The following RNF180 variants were observed in gnomAD, a reference collection of about 807,000 sequenced individuals.
The protein encoded by RNF180 is E3 ubiquitin-protein ligase RNF180.
RNF180 carries 38 observed loss-of-function variants against 59.2 expected under a neutral mutation model. That is an observed-to-expected ratio of 0.64 (90% CI 0.50 to 0.84). RNF180 has a LOEUF of 0.84. Among genes scored for constraint, RNF180 ranks in the 40% least tolerant of loss-of-function variants. The pLI, the probability that RNF180 is intolerant of heterozygous loss-of-function variation, is 0.00. For synonymous variants in RNF180, 262 were observed against 240.3 expected (o/e 1.09, Z -0.84); for missense variants, 705 against 700.9 (o/e 1.01, Z -0.07).
intron 5 of RNF180, among the ~76,000 whole-genome samples, chr5:64,316,930 T>G (rs1711655871): frequency 6.6e-6 from 1 of 152,146 alleles, no homozygotes; most frequent in Admixed American, 6.5e-5. Flanking sequence ...CCACACATAC[T>G]CAATTCCTAC....
chr5:64,189,625 C>T (rs1751038486), intron 1 of RNF180, among the ~76,000 whole-genome samples: 3 of 152,146 alleles, frequency 2.0e-5, no homozygotes, highest in African/African-American at 7.2e-5. Flanking sequence ...TTACCGCTTA[C>T]AGTCAACTCA....
intron 5 of RNF180, among the ~76,000 whole-genome samples, chr5:64,239,955 A>G (rs1014134569): frequency 6.6e-6 from 1 of 152,174 alleles, no homozygotes; most frequent in Non-Finnish European, 1.5e-5. Context: ...CTGCTCACCT[A>G]TATACAGGTA....
At chr5:64,217,238 C>A in intron 4 of RNF180, 123 bp from the exon 5 acceptor site, 1 of 1,137,380 alleles carries the variant, frequency 8.8e-7, no homozygotes, top group Non-Finnish European at 1.1e-6. Flanking sequence ...GAATGATCCA[C>A]AGTTTATCCA....
intron 7 of RNF180, among the ~76,000 whole-genome samples, chr5:64,342,726 T>C (rs1745402641): frequency 1.3e-5 from 2 of 152,062 alleles, no homozygotes; most frequent in Admixed American, 1.3e-4. Flanking sequence ...AGGGACCTTA[T>C]AAACTGTTAA....
At chr5:64,257,510 G>A (rs556703258) in intron 5 of RNF180, among the ~76,000 whole-genome samples, 11 of 152,220 alleles carry the variant, frequency 7.2e-5, no homozygotes, top group African/African-American at 2.6e-4. Context: ...TACATTTATT[G>A]ATTTGCGTAT....
At chr5:64,173,698 C>G (rs544709147) in intron 1 of RNF180, among the ~76,000 whole-genome samples, 70 of 151,556 alleles carry the variant, frequency 4.6e-4, no homozygotes, top group African/African-American at 1.6e-3. Flanking sequence ...TGTTTTCCTC[C>G]CTACTTCTAT....
At chr5:64,228,339 C>A (rs1325712531) in intron 5 of RNF180, among the ~76,000 whole-genome samples, 1 of 151,964 alleles carries the variant, frequency 6.6e-6, no homozygotes, top group African/African-American at 2.4e-5. Flanking sequence ...CATAGTGAGA[C>A]CCCCATCTCT....
chr5:64,202,033 G>T (rs1176049125), intron 2 of RNF180, among the ~76,000 whole-genome samples: 1 of 152,200 alleles, frequency 6.6e-6, no homozygotes, highest in Non-Finnish European at 1.5e-5. Flanking sequence ...TATGCTAAGA[G>T]TATTTTGGTG....
At chr5:64,287,731 G>A (rs949919071) in intron 5 of RNF180, among the ~76,000 whole-genome samples, 12 of 152,136 alleles carry the variant, frequency 7.9e-5, no homozygotes, top group Non-Finnish European at 1.5e-5. Context: ...CTTTTGAGAA[G>A]TGTCTGTTTA....
rs183168175 is a variant in RNF180, at chr5:64,289,910, T to C, written c.1228-35276T>C. On this transcript the variant is annotated intron_variant, in intron 5 of 7. Transcript: ENST00000389100. ...TCCTTCAGCTCTGATTTTGGTTATT[T>C]CTTGTCTTCTGCTAGCTTTAGGGTT... Among the ~76,000 whole-genome samples the C allele has an allele frequency of 5.3e-3, 809 of 152,290 alleles. 7 individuals carry two copies. Among genetic ancestry groups the C allele is most frequent in the African/African-American group, 0.018 (769 of 41,586 alleles).
At chr5:64,266,241 G>A (rs1211507844) in intron 5 of RNF180, among the ~76,000 whole-genome samples, 1 of 152,060 alleles carries the variant, frequency 6.6e-6, no homozygotes, top group Non-Finnish European at 1.5e-5. Flanking sequence ...GCCCTAGGCA[G>A]GGCAATCTTA....
Position 64,329,845 on chromosome 5 carries a change from G to A in RNF180, c.1454-436G>A, listed in dbSNP as rs573422710. The stretch of plus-strand genomic sequence containing the variant: ...ATCTAATGCTGCCACTGATCTGACA[G>A]GCGGCAGAGCTCAGGCAGCAATGCT... On this transcript the variant is annotated intron_variant, in intron 6 of 7. Coordinates refer to ENST00000389100, the MANE Select transcript of RNF180 (RefSeq NM_001113561.2). Among the ~76,000 whole-genome samples, 223 of 152,316 alleles carry A rather than the reference G, an allele frequency of 1.5e-3. 1 individual carries two copies. Among genetic ancestry groups the A allele is most frequent in the African/African-American group, 5.1e-3 (214 of 41,562 alleles).
At chr5:64,343,121 T>G (rs1427326138) in intron 7 of RNF180, among the ~76,000 whole-genome samples, 4 of 152,126 alleles carry the variant, frequency 2.6e-5, no homozygotes, top group Non-Finnish European at 5.9e-5. Context: ...TAGGAAAATG[T>G]GACCACTCAT....
At chr5:64,222,532 A>C (rs897405128) in intron 5 of RNF180, among the ~76,000 whole-genome samples, 2 of 152,236 alleles carry the variant, frequency 1.3e-5, no homozygotes, top group Non-Finnish European at 2.9e-5. Context: ...TTCCCTCAAC[A>C]GTAAGTTATG....
chr5:64,360,720 T>C (rs1746222297), intron 7 of RNF180, among the ~76,000 whole-genome samples: 1 of 151,694 alleles, frequency 6.6e-6, no homozygotes, highest in African/African-American at 2.4e-5. Flanking sequence ...GCTAACAAGT[T>C]ATTTGGCCAC....
At chr5:64,281,664 A>G (rs1435869859) in intron 5 of RNF180, among the ~76,000 whole-genome samples, 1 of 151,924 alleles carries the variant, frequency 6.6e-6, no homozygotes, top group African/African-American at 2.4e-5. Context: ...ATGCCTGGCT[A>G]ATTTTGTATT....
chr5:64,369,162 G>A lies in RNF180; in HGVS notation c.1580-453G>A, dbSNP rs1746562136. Among the ~76,000 whole-genome samples, 2 of 151,976 alleles carry A rather than the reference G, an allele frequency of 1.3e-5. 1 individual carries two copies. The highest frequency in any genetic ancestry group is 4.1e-4 in the South Asian group (2 of 4,832). ...ATGATGAGTTCATGTCCTTTGTGGG[G>A]ACATGGATGAAATAGGAAATCATCA... On this transcript the variant is annotated intron_variant, in intron 7 of 7. Transcript: ENST00000389100.
chr5:64,358,937 AC>A lies in RNF180; in HGVS notation c.1580-10675del, dbSNP rs1167733583. ...ACTGAGAATGATGATTTCCAATTTCACCCATGTCCCTACAAAGGACATGAAC... is the reference window on the plus strand; with the variant it reads ...ACTGAGAATGATGATTTCCAATTTCACCATGTCCCTACAAAGGACATGAAC... On this transcript the variant is annotated intron_variant, in intron 7 of 7. Coordinates refer to ENST00000389100, the MANE Select transcript of RNF180 (RefSeq NM_001113561.2). Among the ~76,000 whole-genome samples, 20 of 151,354 alleles carry A rather than the reference AC, an allele frequency of 1.3e-4. No homozygotes were observed. The East Asian group carries it at 3.8e-3, about 28-fold the overall frequency.
intron 5 of RNF180, among the ~76,000 whole-genome samples, chr5:64,314,017 A>G (rs1743915508): frequency 1.3e-5 from 2 of 151,950 alleles, no homozygotes; most frequent in Non-Finnish European, 2.9e-5. Context: ...TTGCTTGTTG[A>G]CTTAAGTTCC....
Sources: allele counts gnomAD v4.1 joint callset (sites outside exome capture counted in the v4.1 genomes callset), GRCh38; gene constraint gnomAD v4.1.1; transcripts MANE v1.5; gene names NCBI Gene and HGNC (gene_info 2026-07-23, HGNC 2026-07-21).